ZFPM2: variants seen among roughly 807,000 people sequenced by gnomAD.
ZFPM2 encodes the protein zinc finger protein, FOG family member 2.
A neutral mutation model predicts 98.6 loss-of-function variants in ZFPM2; 20 were observed. That is an observed-to-expected ratio of 0.20 (90% CI 0.14 to 0.29). The LOEUF is 0.29. ZFPM2 is among the 10% of genes least tolerant of loss of function. ZFPM2 has a pLI of 1.00. For synonymous variants in ZFPM2, 518 were observed against 502.7 expected, an observed-to-expected ratio of 1.03 and a Z score of -0.41; for missense variants, 1,310 against 1,388.6, an observed-to-expected ratio of 0.94 and a Z score of 0.90.
chr8:105,549,765 C>G (rs930553081), intron 3 of ZFPM2, among the ~76,000 whole-genome samples: 1 of 151,686 alleles, frequency 6.6e-6, no homozygotes, highest in Non-Finnish European at 1.5e-5. Flanking sequence ...GCACAAGCCA[C>G]GATGTCTGGC....
intron 3 of ZFPM2, among the ~76,000 whole-genome samples, chr8:105,481,652 G>T (rs950326735): frequency 8.5e-5 from 13 of 152,124 alleles, no homozygotes; most frequent in Non-Finnish European, 1.8e-4. Flanking sequence ...CAAATGTTCA[G>T]TTGAGCAACC....
In ZFPM2 at chr8:105,680,326, A is replaced by C. The variant is rs538881933; in HGVS notation, c.532+45969A>C. Reference sequence around the variant, plus strand: ...GGCCTTGCTTATTTTAAGAGTTCAAAGAATGTAAACAGTGAAACAGAAGCA... The same window carrying C: ...GGCCTTGCTTATTTTAAGAGTTCAACGAATGTAAACAGTGAAACAGAAGCA... On this transcript the variant is annotated intron_variant, in intron 5 of 7. Coordinates refer to ENST00000407775, the MANE Select transcript of ZFPM2 (RefSeq NM_012082.4). Among the ~76,000 whole-genome samples the C allele has an allele frequency of 2.6e-5, 4 of 152,326 alleles. No individual in the cohort carries two copies. The South Asian group carries it at 8.3e-4, about 32-fold the overall frequency.
intron 4 of ZFPM2, among the ~76,000 whole-genome samples, chr8:105,578,688 G>T (rs911515219): frequency 5.3e-5 from 8 of 152,028 alleles, no homozygotes; most frequent in African/African-American, 1.9e-4. Context: ...TACTATCTTG[G>T]TAAGAGCAGT....
In ZFPM2 at chr8:105,419,206, A is replaced by G; in HGVS notation, c.103A>G (p.Ile35Val). 6.2e-7 allele frequency: 1 copy of G among 1,613,718 alleles called. No individual in the cohort carries two copies. Among genetic ancestry groups the G allele is most frequent in the South Asian group, 1.1e-5 (1 of 91,048 alleles). Residue 35 changes from isoleucine to valine, a missense_variant, in exon 2 of 8, where the codon ATC becomes GTC. By Grantham distance (29) the Ile-to-Val change is conservative (BLOSUM62 3). Coordinates refer to ENST00000407775, the MANE Select transcript of ZFPM2 (RefSeq NM_012082.4). ...EECPSEETDI[I>V]SKGDFPLEES... ...ATGTCCATCAGAGGAAACAGACATCATCTCCAAAGGAGACTTTCCATTGGA... is the reference window on the plus strand; with the variant it reads ...ATGTCCATCAGAGGAAACAGACATCGTCTCCAAAGGAGACTTTCCATTGGA...
chr8:105,614,587 T>C (rs1195022224), intron 4 of ZFPM2, among the ~76,000 whole-genome samples: 3 of 152,134 alleles, frequency 2.0e-5, no homozygotes, highest in Non-Finnish European at 2.9e-5. Flanking sequence ...AGAAATAGTC[T>C]GAAGCAGCTA....
chr8:105,478,056 T>C (rs1002916392), intron 3 of ZFPM2, among the ~76,000 whole-genome samples: 1 of 152,308 alleles, frequency 6.6e-6, no homozygotes, highest in East Asian at 1.9e-4. Flanking sequence ...GGAACTCTGA[T>C]CCAAATTTGC....
At chr8:105,426,338 C>T (rs1167258171) in intron 2 of ZFPM2, among the ~76,000 whole-genome samples, 1 of 152,104 alleles carries the variant, frequency 6.6e-6, no homozygotes, top group East Asian at 1.9e-4. Flanking sequence ...TTGTGCAAAT[C>T]GCCTGTAAGC....
At chr8:105,495,459 A>G (rs773965942) in intron 3 of ZFPM2, among the ~76,000 whole-genome samples, 2 of 152,162 alleles carry the variant, frequency 1.3e-5, no homozygotes, top group Non-Finnish European at 2.9e-5. Flanking sequence ...ATAGATTGCC[A>G]TTTTTTTGTG....
chr8:105,769,124 C>T (rs1812925749), intron 5 of ZFPM2, among the ~76,000 whole-genome samples: 1 of 151,998 alleles, frequency 6.6e-6, no homozygotes, highest in African/African-American at 2.4e-5. Context: ...TCAGGATGTT[C>T]ATGTTTTGGG....
intron 3 of ZFPM2, among the ~76,000 whole-genome samples, chr8:105,519,797 A>ATT (rs532672076): frequency 6.9e-6 from 1 of 145,516 alleles, no homozygotes; most frequent in East Asian, 2.0e-4. Flanking sequence ...GATGGCCTGG[A>ATT]TTTTTTTTTT....
chr8:105,788,745 A>C lies in ZFPM2; in HGVS notation c.560A>C (p.Lys187Thr), dbSNP rs753319984. The change falls in exon 6 of 8, where the codon AAG becomes ACG. Residue 187 changes from lysine to threonine, a missense_variant. Transcript: ENST00000407775. ...KGGQLWCTTT[K>T]AISEGEELIA... is the part of the protein sequence containing the mutation. ...GGTCAGCTTTGGTGTACAACTACGA[A>C]GGCCATCTCTGAGGGTGAAGAGCTA... is the stretch of plus-strand genomic sequence containing the variant. The C allele has an allele frequency of 1.9e-6, 3 of 1,613,982 alleles. No homozygotes were observed. The South Asian group carries it at 3.3e-5, about 18-fold the overall frequency.
intron 2 of ZFPM2, among the ~76,000 whole-genome samples, chr8:105,425,249 T>C (rs1360289241): frequency 6.6e-6 from 1 of 151,990 alleles, no homozygotes; most frequent in African/African-American, 2.4e-5. Context: ...CGGTAAGACA[T>C]GGCCACGACA....
chr8:105,520,241 A>T (rs1814021675), intron 3 of ZFPM2, among the ~76,000 whole-genome samples: 1 of 151,984 alleles, frequency 6.6e-6, no homozygotes, highest in Non-Finnish European at 1.5e-5. Context: ...TACCAAAAAA[A>T]GTGAGATAGA....
chr8:105,635,746 T>C (rs1816835707), intron 5 of ZFPM2, among the ~76,000 whole-genome samples: 1 of 152,232 alleles, frequency 6.6e-6, no homozygotes, highest in Non-Finnish European at 1.5e-5. Flanking sequence ...TACAATATTT[T>C]ATCTTCATTG....
intron 4 of ZFPM2, among the ~76,000 whole-genome samples, chr8:105,614,909 A>AT (rs1218022496): frequency 2.0e-5 from 3 of 152,148 alleles, no homozygotes; most frequent in Admixed American, 6.6e-5. Flanking sequence ...AGACAGTGTC[A>AT]TTTTTCATGC....
intron 4 of ZFPM2, among the ~76,000 whole-genome samples, chr8:105,609,576 A>G (rs1440585181): frequency 1.3e-5 from 2 of 152,202 alleles, no homozygotes; most frequent in Non-Finnish European, 2.9e-5. Flanking sequence ...CCAAAGTTAC[A>G]TGGAAATGTG....
intron 1 of ZFPM2, among the ~76,000 whole-genome samples, chr8:105,359,494 G>T (rs186002269): frequency 1.3e-5 from 2 of 151,560 alleles, no homozygotes; most frequent in Non-Finnish European, 2.9e-5. Context: ...TCCTGCCTCA[G>T]CCTCCGAGTA....
In ZFPM2 at chr8:105,748,579, A is replaced by G. The variant is rs1812403824; in HGVS notation, c.533-40139A>G. Reference sequence around the variant, plus strand: ...ATATTGAGGGTCGTTTGAAAGGTACATTGATGATTTGCTTTTGTTTTGTTT... The same window carrying G: ...ATATTGAGGGTCGTTTGAAAGGTACGTTGATGATTTGCTTTTGTTTTGTTT... On this transcript the variant is annotated intron_variant, in intron 5 of 7. Coordinates refer to ENST00000407775, the MANE Select transcript of ZFPM2 (RefSeq NM_012082.4). Among the ~76,000 whole-genome samples, 4 of 152,050 alleles carry G rather than the reference A, an allele frequency of 2.6e-5. No individual in the cohort carries two copies. The South Asian group carries it at 8.3e-4, about 31-fold the overall frequency.
At chr8:105,795,052 G>T (rs998357905) in intron 6 of ZFPM2, among the ~76,000 whole-genome samples, 1 of 152,110 alleles carries the variant, frequency 6.6e-6, no homozygotes, top group Non-Finnish European at 1.5e-5. Flanking sequence ...GCAATGCCTC[G>T]CCCTGCTTCA....
Sources: allele counts gnomAD v4.1 joint callset (sites outside exome capture counted in the v4.1 genomes callset), GRCh38; gene constraint gnomAD v4.1.1; transcripts MANE v1.5; gene names NCBI Gene and HGNC (gene_info 2026-07-23, HGNC 2026-07-21).